DNAJB6: variants seen among roughly 807,000 people sequenced by gnomAD.
The protein encoded by DNAJB6 is dnaJ homolog subfamily B member 6.
In DNAJB6, 16 loss-of-function variants were observed where a neutral mutation model predicts 42.7. The ratio of observed to expected loss-of-function variants is 0.37; its 90% CI spans 0.25 to 0.57. The LOEUF (loss-of-function observed/expected upper bound fraction) is 0.57, where lower values mean the gene tolerates loss of function less well. Among genes scored for constraint, DNAJB6 ranks in the 20% least tolerant of loss-of-function variants. The probability of loss-of-function intolerance (pLI) is 0.74; values close to 1 mark genes in which losing one functional copy is unlikely to be tolerated. For synonymous variants in DNAJB6, 170 were observed against 163.5 expected (o/e 1.04, Z -0.30); for missense variants, 347 against 416.8 (o/e 0.83, Z 1.46).
At chr7:157,344,265 C>T (rs989182684) in intron 1 of DNAJB6, among the ~76,000 whole-genome samples, 6 of 151,744 alleles carry the variant, frequency 4.0e-5, no homozygotes, top group South Asian at 2.1e-4. Flanking sequence ...GGCGTGAACG[C>T]GGGAGGCGGA....
chr7:157,343,911 T>G (rs970826384), intron 1 of DNAJB6, among the ~76,000 whole-genome samples: 14 of 152,228 alleles, frequency 9.2e-5, no homozygotes, highest in African/African-American at 2.9e-4. Flanking sequence ...TTTTGGAAAT[T>G]GCAGAAATTA....
chr7:157,383,348 C>T (rs1285765863), intron 6 of DNAJB6, among the ~76,000 whole-genome samples: 2 of 152,146 alleles, frequency 1.3e-5, no homozygotes, highest in African/African-American at 4.8e-5. Flanking sequence ...TTTTAAGCCT[C>T]CACGATAAGA....
At chr7:157,361,165 T>C (rs1799567305) in intron 2 of DNAJB6, among the ~76,000 whole-genome samples, 1 of 151,714 alleles carries the variant, frequency 6.6e-6, no homozygotes, top group African/African-American at 2.4e-5. Context: ...CTACACGTTT[T>C]TTTTTTTTTT....
At chr7:157,348,428 T>A (rs769849979) in intron 1 of DNAJB6, among the ~76,000 whole-genome samples, 1 of 152,184 alleles carries the variant, frequency 6.6e-6, no homozygotes, top group Non-Finnish European at 1.5e-5. Context: ...TAAATAGGAA[T>A]GGAAGATTTC....
intron 5 of DNAJB6, among the ~76,000 whole-genome samples, chr7:157,368,285 A>G (rs538695403): frequency 1.3e-5 from 2 of 152,358 alleles, no homozygotes; most frequent in South Asian, 2.1e-4. Context: ...TGGTAAGGGC[A>G]TGGGTGCGAG....
At chr7:157,412,352 T>C (rs1414284235) in intron 9 of DNAJB6, 2 of 152,150 alleles carry the variant, frequency 1.3e-5, no homozygotes, top group African/African-American at 2.4e-5. Flanking sequence ...GGCTCGCTCA[T>C]TATACAATGA....
intron 8 of DNAJB6, among the ~76,000 whole-genome samples, chr7:157,403,848 G>A (rs1004034192): frequency 6.6e-6 from 1 of 152,252 alleles, no homozygotes; most frequent in Non-Finnish European, 1.5e-5. Context: ...GACTCGCAGC[G>A]GAAGCAGAGG....
intron 1 of DNAJB6, among the ~76,000 whole-genome samples, chr7:157,350,649 A>C (rs552119373): frequency 6.6e-6 from 1 of 152,066 alleles, no homozygotes; most frequent in Non-Finnish European, 1.5e-5. Context: ...AAGACGCCCA[A>C]TATGGCACTT....
chr7:157,339,602 TGTG>T (rs1376531434), intron 1 of DNAJB6, among the ~76,000 whole-genome samples: 5 of 19,628 alleles, frequency 2.5e-4, no homozygotes, highest in Non-Finnish European at 3.8e-4. Flanking sequence ...CCCGGCCTTT[TGTG>T]TGTGTGTGTG....
In DNAJB6 at chr7:157,409,801, C is replaced by CCGA; in HGVS notation, c.705_707dup (p.Asp236dup). The CCGA allele has an allele frequency of 1.3e-6, 2 of 1,527,608 alleles. No homozygotes were observed. The highest frequency in any genetic ancestry group is 2.4e-5 in the South Asian group (2 of 83,476). 94.6% of individuals were successfully genotyped at this position (1,527,608 alleles called of 1,614,324 possible). A position where few individuals can be genotyped will look rare whatever the true frequency, so the allele number is the denominator to read the frequency against. On this transcript the variant is annotated inframe_insertion, in exon 9 of 10. Coordinates refer to ENST00000262177, the MANE Select transcript of DNAJB6 (RefSeq NM_058246.4). The stretch of plus-strand genomic sequence containing the variant: ...TCTCCCGCTGTGCCTGCAGGTGTGG[C>CCGA]CGACGACGATGCCCTCGCTGAGGAG...
intron 5 of DNAJB6, among the ~76,000 whole-genome samples, chr7:157,376,652 G>A (rs1350339453): frequency 1.3e-5 from 2 of 152,016 alleles, no homozygotes; most frequent in African/African-American, 2.4e-5. Flanking sequence ...AGGCTGAGGC[G>A]GATGGATCGC....
In DNAJB6 at chr7:157,358,037, T is replaced by C. The variant is rs1424872309; in HGVS notation, c.-26-510T>C. Among the ~76,000 whole-genome samples, 4 of 152,356 alleles carry C rather than the reference T, an allele frequency of 2.6e-5. No homozygotes were observed. The East Asian group carries it at 7.7e-4, about 29-fold the overall frequency. On this transcript the variant is annotated intron_variant, in intron 1 of 9. Coordinates refer to ENST00000262177, the MANE Select transcript of DNAJB6 (RefSeq NM_058246.4). ...GGGAGATGTGTGGGAGGGCTTTTGC[T>C]GTTCCCTCGTGTGGGTGACAGAATG... is the stretch of plus-strand genomic sequence containing the variant.
intron 1 of DNAJB6, among the ~76,000 whole-genome samples, chr7:157,357,146 A>C (rs141916616): frequency 2.0e-5 from 3 of 150,622 alleles, no homozygotes; most frequent in East Asian, 3.9e-4. Context: ...TAAAAAAAAA[A>C]ACAAAAAACA....
Position 157,367,470 on chromosome 7 carries a change from A to C in DNAJB6, c.333A>C (p.Ser111=). ...TTTTTGGTGGAAGGGACCCATTTTCATTTGACTTCTTTGGTAAGTTAATCA... is the reference window on the plus strand; with the variant it reads ...TTTTTGGTGGAAGGGACCCATTTTCCTTTGACTTCTTTGGTAAGTTAATCA... ...REFFGGRDPF[S]FDFFEDPFED... The change falls in exon 5 of 10, where the codon TCA becomes TCC. Residue 111 remains serine (S), a synonymous_variant. Transcript: ENST00000262177. The C allele has an allele frequency of 6.2e-7, 1 of 1,604,936 alleles. No homozygotes were observed. Among genetic ancestry groups the C allele is most frequent in the Non-Finnish European group, 8.5e-7 (1 of 1,171,630 alleles).
At chr7:157,385,256 G>T (rs199745426) in intron 7 of DNAJB6, among the ~76,000 whole-genome samples, 1 of 30,644 alleles carries the variant, frequency 3.3e-5, no homozygotes, top group Non-Finnish European at 8.2e-5. Flanking sequence ...TGTTAAAATG[G>T]TAAAATGGAA....
chr7:157,390,952 C>T (rs1055994450), intron 8 of DNAJB6, among the ~76,000 whole-genome samples: 1 of 152,220 alleles, frequency 6.6e-6, no homozygotes, highest in African/African-American at 2.4e-5. Flanking sequence ...CCTCCCACCT[C>T]AGCCCCTAAG....
At chr7:157,382,579 G>A (rs1414490431) in intron 6 of DNAJB6, 1 of 394,080 alleles carries the variant, frequency 2.5e-6, no homozygotes, top group African/African-American at 2.1e-5. Flanking sequence ...GTCGTGCTTG[G>A]AAATCTTCTC....
chr7:157,353,528 T>G (rs1306168749), intron 1 of DNAJB6, among the ~76,000 whole-genome samples: 1 of 151,966 alleles, frequency 6.6e-6, no homozygotes, highest in Non-Finnish European at 1.5e-5. Context: ...CCAGATTGTA[T>G]TTAGTTGTCA....
intron 5 of DNAJB6, among the ~76,000 whole-genome samples, chr7:157,374,310 A>C (rs979528102): frequency 9.2e-5 from 14 of 152,070 alleles, no homozygotes; most frequent in African/African-American, 3.1e-4. Context: ...GCCCAGCTGG[A>C]GTGCAGTGGC....
Sources: allele counts gnomAD v4.1 joint callset (sites outside exome capture counted in the v4.1 genomes callset), GRCh38; gene constraint gnomAD v4.1.1; transcripts MANE v1.5; gene names NCBI Gene and HGNC (gene_info 2026-07-23, HGNC 2026-07-21).